Variants in GPR158 observed in about 807,000 individuals in gnomAD.
The protein encoded by GPR158 is metabotropic glycine receptor.
GPR158 carries 30 observed loss-of-function variants against 78.2 expected under a neutral mutation model. The observed-to-expected ratio is 0.38, with a 90% CI of 0.29 to 0.52. The LOEUF (loss-of-function observed/expected upper bound fraction) is 0.52. Among genes scored for constraint, GPR158 ranks in the 20% least tolerant of loss-of-function variants. The pLI, the probability that GPR158 is intolerant of heterozygous loss-of-function variation, is 0.83. For synonymous variants in GPR158, 581 were observed against 591.1 expected, an observed-to-expected ratio of 0.98 and a Z score of 0.25; for missense variants, 1,463 against 1,523.5, an observed-to-expected ratio of 0.96 and a Z score of 0.66.
intron 2 of GPR158, among the ~76,000 whole-genome samples, chr10:25,222,615 A>C (rs985598239): frequency 3.3e-5 from 5 of 152,094 alleles, no homozygotes; most frequent in African/African-American, 1.2e-4. Context: ...CATTTCTAAG[A>C]TGTGAATTTC....
At chr10:25,244,424 C>T (rs1467309923) in intron 2 of GPR158, 3 of 152,086 alleles carry the variant, frequency 2.0e-5, no homozygotes, top group Non-Finnish European at 4.4e-5. Flanking sequence ...ATACTTAATG[C>T]TAGAAGTTAA....
At chr10:25,235,396 T>C (rs1853505894) in intron 2 of GPR158, among the ~76,000 whole-genome samples, 2 of 151,642 alleles carry the variant, frequency 1.3e-5, no homozygotes, top group African/African-American at 4.9e-5. Flanking sequence ...GTAACATATC[T>C]ATCTTCTCAC....
Position 25,235,467 on chromosome 10 carries a change from T to G in GPR158, c.1008+14310T>G, listed in dbSNP as rs141634877. ...ATGGCAAGAGCACCTGAAATCTATC[T>G]GCTCTTAGCTTGCTTGTACTTTTGC... On this transcript the variant is annotated intron_variant, in intron 2 of 10. Transcript: ENST00000376351. 6.3e-3 allele frequency among the ~76,000 whole-genome samples: 960 copies of G among 151,756 alleles called. 12 individuals carry two copies. Among genetic ancestry groups the G allele is most frequent in the African/African-American group, 0.022 (920 of 41,312 alleles).
At chr10:25,543,019 A>G (rs1489804135) in intron 5 of GPR158, among the ~76,000 whole-genome samples, 2 of 152,170 alleles carry the variant, frequency 1.3e-5, no homozygotes, top group African/African-American at 4.8e-5. Flanking sequence ...TGTTATTGAA[A>G]TTGAAATCTT....
At chr10:25,365,990 T>G (rs984090553) in intron 2 of GPR158, among the ~76,000 whole-genome samples, 1 of 151,656 alleles carries the variant, frequency 6.6e-6, no homozygotes, top group African/African-American at 2.4e-5. Flanking sequence ...ATTTAGCATA[T>G]ATGACTTATT....
chr10:25,578,129 TTA>T (rs1308708161), intron 7 of GPR158, among the ~76,000 whole-genome samples: 3 of 152,332 alleles, frequency 2.0e-5, no homozygotes, highest in African/African-American at 7.2e-5. Flanking sequence ...CTACTCATCA[TTA>T]TATGACTCAG....
chr10:25,245,289 T>G (rs1853673811), intron 2 of GPR158, among the ~76,000 whole-genome samples: 3 of 152,232 alleles, frequency 2.0e-5, no homozygotes, highest in Non-Finnish European at 4.4e-5. Context: ...GATCAGGTCT[T>G]TAAGGGTGAG....
chr10:25,279,588 A>G (rs1854238361), intron 2 of GPR158, among the ~76,000 whole-genome samples: 2 of 152,254 alleles, frequency 1.3e-5, no homozygotes, highest in African/African-American at 4.8e-5. Context: ...CATGCATTAC[A>G]TTATTTCTTA....
At chr10:25,313,056 T>G (rs1411597997) in intron 2 of GPR158, among the ~76,000 whole-genome samples, 1 of 151,954 alleles carries the variant, frequency 6.6e-6, no homozygotes, top group Admixed American at 6.6e-5. Flanking sequence ...AAACACAGAT[T>G]ATTAATATAT....
At chr10:25,474,736 A>G (rs1835558286) in intron 5 of GPR158, among the ~76,000 whole-genome samples, 2 of 152,270 alleles carry the variant, frequency 1.3e-5, no homozygotes, top group South Asian at 4.1e-4. Context: ...GTAGAAGCAC[A>G]GTAAATAGGC....
intron 2 of GPR158, among the ~76,000 whole-genome samples, chr10:25,295,321 C>T (rs540585890): frequency 6.6e-6 from 1 of 152,232 alleles, no homozygotes; most frequent in Non-Finnish European, 1.5e-5. Context: ...TGCTTGCACT[C>T]TGTAAAGTCT....
At chr10:25,242,282 GAAATA>G (rs1853637735) in intron 2 of GPR158, among the ~76,000 whole-genome samples, 1 of 152,196 alleles carries the variant, frequency 6.6e-6, no homozygotes, top group Non-Finnish European at 1.5e-5. Flanking sequence ...ACCAGATGCT[GAAATA>G]AAATTTCAAA....
At position 25,267,763 on chromosome 10, in the gene GPR158, T is replaced by TTA. The variant is rs200810605; in HGVS notation, c.1008+46608_1008+46609dup. Among the ~76,000 whole-genome samples the TTA allele has an allele frequency of 4.5e-3, 679 of 152,250 alleles. 5 individuals carry two copies. Among genetic ancestry groups the TTA allele is most frequent in the African/African-American group, 0.014 (599 of 41,546 alleles). On this transcript the variant is annotated intron_variant, in intron 2 of 10. Transcript: ENST00000376351. Reference sequence around the variant, plus strand: ...TGTTGTTTTAAATGAAAGTAAAATCTTATTTTTTACATATTTAATGATAGG... The same window carrying TTA: ...TGTTGTTTTAAATGAAAGTAAAATCTTATATTTTTTACATATTTAATGATAGG...
chr10:25,298,126 T>C (rs890255430), intron 2 of GPR158, among the ~76,000 whole-genome samples: 2 of 152,230 alleles, frequency 1.3e-5, no homozygotes, highest in Admixed American at 6.5e-5. Flanking sequence ...TTCTATATAC[T>C]AATAGGTTAC....
At chr10:25,200,335 G>A (rs1488283568) in intron 1 of GPR158, among the ~76,000 whole-genome samples, 2 of 152,014 alleles carry the variant, frequency 1.3e-5, no homozygotes, top group African/African-American at 4.8e-5. Context: ...GTCTGTTCGT[G>A]TCCTTTGGCC....
chr10:25,430,765 G>T (rs1019403178), intron 4 of GPR158, among the ~76,000 whole-genome samples: 3 of 144,686 alleles, frequency 2.1e-5, no homozygotes, highest in African/African-American at 7.6e-5. Flanking sequence ...ATGGGGAAAG[G>T]ATTCCCTATT....
At chr10:25,302,140 C>T (rs1308682645) in intron 2 of GPR158, among the ~76,000 whole-genome samples, 1 of 134,632 alleles carries the variant, frequency 7.4e-6, no homozygotes, top group Non-Finnish European at 1.5e-5. Context: ...GGTGCGATCT[C>T]GGCTCACTGC....
intron 8 of GPR158, 82 bp from the exon 9 acceptor site, chr10:25,594,210 G>GA: frequency 1.3e-6 from 1 of 765,260 alleles, no homozygotes; most frequent in Admixed American, 1.9e-5. Flanking sequence ...ATACAATGAG[G>GA]AAAAAAGAGT....
At chr10:25,388,578 G>A (rs1015803117) in intron 2 of GPR158, among the ~76,000 whole-genome samples, 1 of 152,262 alleles carries the variant, frequency 6.6e-6, no homozygotes, top group Non-Finnish European at 1.5e-5. Flanking sequence ...TGCCCTGGGA[G>A]CTATCGCAAT....
Sources: allele counts gnomAD v4.1 joint callset (sites outside exome capture counted in the v4.1 genomes callset), GRCh38; gene constraint gnomAD v4.1.1; transcripts MANE v1.5; gene names NCBI Gene and HGNC (gene_info 2026-07-23, HGNC 2026-07-21).